The following ZNF227 variants were observed in gnomAD, a reference collection of about 807,000 sequenced individuals.
The protein encoded by ZNF227 is zinc finger protein 227.
Under a neutral mutation model 13.2 loss-of-function variants are expected in ZNF227, and 12 were observed. The ratio of observed to expected loss-of-function variants is 0.91; its 90% CI spans 0.58 to 1.47. The LOEUF (loss-of-function observed/expected upper bound fraction) is 1.47, where lower values mean the gene tolerates loss of function less well. Ranked by LOEUF, ZNF227 falls within the 40% of genes most tolerant of loss-of-function variation. The probability of loss-of-function intolerance (pLI) is 0.00; values close to 1 mark genes in which losing one functional copy is unlikely to be tolerated. For synonymous variants in ZNF227, 338 were observed against 326.0 expected (o/e 1.04, Z -0.40); for missense variants, 885 against 967.5 (o/e 0.91, Z 1.13).
At chr19:44,219,473 G>A (rs1972225968) in intron 3 of ZNF227, among the ~76,000 whole-genome samples, 1 of 152,018 alleles carries the variant, frequency 6.6e-6, no homozygotes, top group Non-Finnish European at 1.5e-5. Flanking sequence ...TGGAATATGA[G>A]CAAAAGAAAT....
chr19:44,223,319 G>A (rs530650121), intron 3 of ZNF227, among the ~76,000 whole-genome samples: 1 of 152,180 alleles, frequency 6.6e-6, no homozygotes, highest in Non-Finnish European at 1.5e-5. Context: ...CTATTGATTG[G>A]AATAGTTTCA....
At chr19:44,211,221 A>ACAACAATAT (rs1166418967), upstream of ZNF227, among the ~76,000 whole-genome samples, 1 of 150,494 alleles carries the variant, frequency 6.6e-6, no homozygotes, top group Non-Finnish European at 1.5e-5. Context: ...AACAACAACA[A>ACAACAATAT]CAACAACAAA....
intron 3 of ZNF227, among the ~76,000 whole-genome samples, chr19:44,226,837 G>C (rs951507661): frequency 6.6e-6 from 1 of 152,156 alleles, no homozygotes; most frequent in Non-Finnish European, 1.5e-5. Context: ...ACCTCAGATG[G>C]AAATGCAGAA....
chr19:44,229,022 G>A (rs1031129137), intron 4 of ZNF227: 22 of 173,678 alleles, frequency 1.3e-4, no homozygotes, highest in African/African-American at 3.1e-4. Flanking sequence ...TTTCAAATAC[G>A]TTGTCTTTCA....
intron 5 of ZNF227, among the ~76,000 whole-genome samples, chr19:44,230,941 A>ATCTATATATATCTATATCTATATC: frequency 7.3e-6 from 1 of 136,444 alleles, no homozygotes; most frequent in South Asian, 2.2e-4. Context: ...ATATATATAT[A>ATCTATATATATCTATATCTATATC]TATATATATA....
chr19:44,236,687 TTCAG>T lies in ZNF227; in HGVS notation c.2262_2265del (p.Ser754ArgfsTer65), dbSNP rs1204272792. 3 of 1,613,908 alleles carry T rather than the reference TTCAG, an allele frequency of 1.9e-6. No individual in the cohort carries two copies. The highest frequency in any genetic ancestry group is 2.5e-6 in the Non-Finnish European group (3 of 1,180,022). Reference sequence around the variant, plus strand: ...TAAATGTGAAGAGTGTGGTAAAGGCTTCAGTCAGAGTGCACGTCTTGAAGCCCAT... The same window carrying T: ...TAAATGTGAAGAGTGTGGTAAAGGCTTCAGAGTGCACGTCTTGAAGCCCAT... On this transcript the variant is annotated frameshift_variant, in exon 6 of 6. Transcript: ENST00000313040. LOFTEE classifies it low-confidence loss of function (END_TRUNC).
chr19:44,226,339 G>T (rs1224539130), intron 3 of ZNF227, among the ~76,000 whole-genome samples: 2 of 152,352 alleles, frequency 1.3e-5, no homozygotes, highest in African/African-American at 2.4e-5. Context: ...GTCTGCAGAG[G>T]TTATTGCTGT....
chr19:44,232,478 T>TA (rs1317407112), intron 5 of ZNF227, among the ~76,000 whole-genome samples: 3 of 152,130 alleles, frequency 2.0e-5, no homozygotes, highest in Non-Finnish European at 4.4e-5. Flanking sequence ...GTGCTGGACT[T>TA]ACAGTTTTAT....
At chr19:44,216,601 A>C (rs1331019688) in intron 2 of ZNF227, among the ~76,000 whole-genome samples, 2 of 152,196 alleles carry the variant, frequency 1.3e-5, no homozygotes, top group Non-Finnish European at 2.9e-5. Context: ...CATTCCCTCC[A>C]TCCTGCCTTC....
At chr19:44,223,388 T>C (rs1599801074) in intron 3 of ZNF227, among the ~76,000 whole-genome samples, 1 of 152,240 alleles carries the variant, frequency 6.6e-6, no homozygotes, top group Non-Finnish European at 1.5e-5. Context: ...TGAATCCATC[T>C]GGTCCTGGAC....
intron 3 of ZNF227, among the ~76,000 whole-genome samples, chr19:44,226,796 G>C (rs1206528331): frequency 1.3e-5 from 2 of 152,126 alleles, no homozygotes; most frequent in East Asian, 3.9e-4. Context: ...TGCGCCCACT[G>C]TCTGGCACTC....
upstream of ZNF227, among the ~76,000 whole-genome samples, chr19:44,209,650 G>A (rs908307087): frequency 6.6e-6 from 1 of 152,120 alleles, no homozygotes; most frequent in Non-Finnish European, 1.5e-5. Flanking sequence ...GCAGTGGCGC[G>A]ATCTCGGCTC....
rs1196965409 is a variant in ZNF227 at position 44,234,753 on chromosome 19, A to G, written c.323A>G (p.Tyr108Cys). ...METLQKFALK[Y>C]LSNQELSCWQ... ...ACACTCCAAAAATTTGCATTAAAAT[A>G]CCTTTCAAATCAAGAGCTGTCCTGC... The change falls in exon 6 of 6, where the codon TAC (tyrosine) becomes TGC (cysteine). Residue 108 changes from tyrosine to cysteine, a missense_variant. Coordinates refer to ENST00000313040, the MANE Select transcript of ZNF227 (RefSeq NM_182490.3). 6.2e-7 allele frequency: 1 copy of G among 1,605,246 alleles called. No homozygotes were observed. The highest frequency in any genetic ancestry group is 1.3e-5 in the African/African-American group (1 of 74,464).
chr19:44,220,680 T>G (rs933301332), intron 3 of ZNF227, among the ~76,000 whole-genome samples: 5 of 152,134 alleles, frequency 3.3e-5, no homozygotes, highest in Non-Finnish European at 7.4e-5. Context: ...ATTATTAAAC[T>G]AAGTTTTAGG....
In ZNF227 at chr19:44,236,007, G is replaced by A; in HGVS notation, c.1577G>A (p.Gly526Glu). The change falls in exon 6 of 6, where the codon GGG (glycine) becomes GAG (glutamate). Residue 526 changes from glycine to glutamate, a missense_variant. By Grantham distance (98) the Gly-to-Glu change is moderately conservative (BLOSUM62 -2). Transcript: ENST00000313040. ...GEKRFKCETC[G>E]KGFSQSSKLQ... Reference sequence around the variant, plus strand: ...AAACGATTCAAGTGTGAAACGTGTGGGAAGGGCTTCAGTCAGTCCTCAAAG... The same window carrying A: ...AAACGATTCAAGTGTGAAACGTGTGAGAAGGGCTTCAGTCAGTCCTCAAAG... 3 of 1,613,788 alleles carry A rather than the reference G, an allele frequency of 1.9e-6. No individual in the cohort carries two copies. The Admixed American group carries it at 5.0e-5, about 27-fold the overall frequency.
chr19:44,233,396 T>G (rs1330245236), intron 5 of ZNF227, among the ~76,000 whole-genome samples: 1 of 152,208 alleles, frequency 6.6e-6, no homozygotes, highest in Non-Finnish European at 1.5e-5. Flanking sequence ...GTTACATACT[T>G]GGTTTCATGG....
Position 44,236,861 on chromosome 19 carries a change from G to A in ZNF227, c.*31G>A, listed in dbSNP as rs752286516. ...AGAAATGTGTTACCAACTTTTGTCT[G>A]AATGCACATCTTCAAGTTTTTGGCT... On this transcript the variant is annotated 3_prime_UTR_variant, in exon 6 of 6. Coordinates refer to ENST00000313040, the MANE Select transcript of ZNF227 (RefSeq NM_182490.3). The A allele has an allele frequency of 9.2e-6, 14 of 1,524,534 alleles. No individual in the cohort carries two copies. The highest frequency in any genetic ancestry group is 1.2e-5 in the Non-Finnish European group (14 of 1,136,716). The allele number at this position is 1,524,534 out of a possible 1,614,324, so 94.4% of individuals were successfully genotyped here.
chr19:44,236,140 C>G lies in ZNF227; in HGVS notation c.1710C>G (p.His570Gln). 1 of 1,614,142 alleles carries G rather than the reference C, an allele frequency of 6.2e-7. No homozygotes were observed. The highest frequency in any genetic ancestry group is 8.5e-7 in the Non-Finnish European group (1 of 1,180,018). ...ATCTTAAACTACACCAAGTAATTCA[C>G]ACTGGAGAAAAACCATATAAATGTG... ...SSNLKLHQVI[H>Q]TGEKPYKCEE... The change falls in exon 6 of 6, where the codon CAC becomes CAG. Residue 570 changes from histidine (H) to glutamine (Q), a missense_variant. Coordinates refer to ENST00000313040, the MANE Select transcript of ZNF227 (RefSeq NM_182490.3).
rs369008585 is a variant in ZNF227, at chr19:44,235,471, T to G, written c.1041T>G (p.Thr347=). Residue 347 remains threonine, a synonymous_variant, in exon 6 of 6, where the codon ACT becomes ACG. Coordinates refer to ENST00000313040, the MANE Select transcript of ZNF227 (RefSeq NM_182490.3). ...TTATCATTCATTACAGAACTCATAC[T>G]GGAGAGAAACCCTATAAATGCGAGG... ...TGLIIHYRTH[T]GEKPYKCEEC... 3 of 1,614,030 alleles carry G rather than the reference T, an allele frequency of 1.9e-6. No individual in the cohort carries two copies. The African/African-American group carries it at 4.0e-5, about 22-fold the overall frequency.
Sources: gnomAD v4.1 joint callset for allele counts (sites outside exome capture counted in the v4.1 genomes callset) on GRCh38, gnomAD v4.1.1 for gene constraint, MANE v1.5 for transcripts, NCBI Gene and HGNC (gene_info 2026-07-23, HGNC 2026-07-21) for gene names.